The following AIG1 variants were observed in gnomAD, a reference collection of about 807,000 sequenced individuals.
AIG1 encodes androgen-induced gene 1 protein.
AIG1 carries 23 observed loss-of-function variants against 31.4 expected under a neutral mutation model. The ratio of observed to expected loss-of-function variants is 0.73; its 90% CI spans 0.53 to 1.04. The LOEUF (loss-of-function observed/expected upper bound fraction) is 1.04, where lower values mean the gene tolerates loss of function less well. AIG1 is among the 50% of genes least tolerant of loss of function. The pLI is 0.00. For synonymous variants in AIG1, 100 were observed against 110.5 expected, an observed-to-expected ratio of 0.90 and a Z score of 0.60; for missense variants, 274 against 295.0, an observed-to-expected ratio of 0.93 and a Z score of 0.52.
intron 4 of AIG1, among the ~76,000 whole-genome samples, chr6:143,312,403 C>T (rs1477814438): frequency 6.6e-6 from 1 of 151,900 alleles, no homozygotes; most frequent in African/African-American, 2.4e-5. Flanking sequence ...GAAACAAATC[C>T]AAAGAACTGC....
At chr6:143,192,362 T>C (rs1253898937) in intron 3 of AIG1, among the ~76,000 whole-genome samples, 1 of 152,190 alleles carries the variant, frequency 6.6e-6, no homozygotes. Flanking sequence ...CCCAGCACTT[T>C]GGGAGGCCAA....
intron 3 of AIG1, among the ~76,000 whole-genome samples, chr6:143,218,288 G>A (rs912076382): frequency 6.6e-6 from 1 of 152,126 alleles, no homozygotes; most frequent in African/African-American, 2.4e-5. Context: ...CCAACGTTGT[G>A]AAAATGCTTG....
At chr6:143,200,256 A>G (rs1790590859) in intron 3 of AIG1, among the ~76,000 whole-genome samples, 1 of 152,180 alleles carries the variant, frequency 6.6e-6, no homozygotes. Context: ...TGAGTTTACT[A>G]CTGAAGAGAA....
In AIG1 at chr6:143,328,683, T is replaced by G. The variant is rs779150911; in HGVS notation, c.516-4599T>G. 3.3e-5 allele frequency among the ~76,000 whole-genome samples: 5 copies of G among 152,358 alleles called. No individual in the cohort carries two copies. Among genetic ancestry groups the G allele is most frequent in the Non-Finnish European group, 5.9e-5 (4 of 68,042 alleles). ...ATTCATTCATATAAGCCATTTACTT[T>G]GTATCATTTGTGAGTAACAAAGCAC... On this transcript the variant is annotated intron_variant, in intron 4 of 5. Transcript: ENST00000357847. This position sits in a 1 kb window ranked among gnomAD's most constrained non-coding sequence, Gnocchi z 4.0.
intron 3 of AIG1, among the ~76,000 whole-genome samples, chr6:143,195,316 G>C (rs1319371131): frequency 6.6e-6 from 1 of 152,150 alleles, no homozygotes; most frequent in Admixed American, 6.5e-5. Flanking sequence ...TCAGATCCTG[G>C]AGACTCCTCC....
intron 4 of AIG1, among the ~76,000 whole-genome samples, chr6:143,319,118 C>A (rs1304870342): frequency 6.6e-6 from 1 of 152,152 alleles, no homozygotes; most frequent in South Asian, 2.1e-4. Context: ...AGCAGTCCCA[C>A]TACTGGGTAT....
chr6:143,273,660 C>T (rs887765205), intron 3 of AIG1, among the ~76,000 whole-genome samples: 31 of 152,058 alleles, frequency 2.0e-4, no homozygotes, highest in Admixed American at 1.5e-3. Context: ...TGGTGGAAGG[C>T]GAAAGGCATG....
intron 1 of AIG1, among the ~76,000 whole-genome samples, chr6:143,129,921 T>C (rs186841846): frequency 3.4e-4 from 52 of 152,054 alleles, no homozygotes; most frequent in African/African-American, 1.1e-3. Flanking sequence ...ATATTCCTTA[T>C]GTAAATAGAC....
At chr6:143,193,433 A>T (rs1789963365) in intron 3 of AIG1, among the ~76,000 whole-genome samples, 3 of 152,232 alleles carry the variant, frequency 2.0e-5, no homozygotes, top group Admixed American at 2.0e-4. Flanking sequence ...TTTGAGAAGT[A>T]GTGAGAATAT....
intron 3 of AIG1, among the ~76,000 whole-genome samples, chr6:143,214,681 ACTGT>A (rs1303684492): frequency 1.3e-5 from 2 of 152,046 alleles, no homozygotes; most frequent in East Asian, 3.9e-4. Flanking sequence ...CCTACTCATC[ACTGT>A]CTGGATGAAA....
At chr6:143,196,355 A>ACGCACACG (rs199604811) in intron 3 of AIG1, among the ~76,000 whole-genome samples, 3 of 38,924 alleles carry the variant, frequency 7.7e-5, no homozygotes, top group African/African-American at 1.9e-4. Context: ...AAAGCAACAC[A>ACGCACACG]CACACACACA....
chr6:143,187,969 T>C lies in AIG1; in HGVS notation c.399+22786T>C, dbSNP rs1028906635. 4.2e-6 allele frequency: 5 copies of C among 1,191,644 alleles called. No individual in the cohort carries two copies. The African/African-American group carries it at 7.8e-5, about 19-fold the overall frequency. The allele number at this position is 1,191,644 out of a possible 1,614,324, so 73.8% of individuals were successfully genotyped here. ...TGCTCTTGATTTTATTAGTTGCATT[T>C]TGTAACAGGTTGGAAAAATTAGGTA... On this transcript the variant is annotated intron_variant, in intron 3 of 5. Coordinates refer to ENST00000357847, the MANE Select transcript of AIG1 (RefSeq NM_016108.4).
At chr6:143,342,147 C>T (rs112767155), downstream of AIG1, 369 of 526,118 alleles carry the variant, frequency 7.0e-4, 1 homozygote, top group African/African-American at 6.4e-3. Context: ...TGGTCTCAAA[C>T]TCCCGACCTT....
intron 1 of AIG1, among the ~76,000 whole-genome samples, chr6:143,116,673 C>A (rs762808575): frequency 6.9e-6 from 1 of 145,418 alleles, no homozygotes; most frequent in African/African-American, 2.6e-5. Flanking sequence ...CAGAAGAGAC[C>A]CAGAGCCAGC....
intron 2 of AIG1, among the ~76,000 whole-genome samples, chr6:143,148,222 T>C (rs1784866137): frequency 1.3e-5 from 2 of 150,494 alleles, no homozygotes; most frequent in East Asian, 2.0e-4. Context: ...TATTATGGAC[T>C]GGACATGGCG....
At position 143,266,346 on chromosome 6, in the gene AIG1, C is replaced by CAAAAA. The variant is rs398002969; in HGVS notation, c.400-17749_400-17745dup. On this transcript the variant is annotated intron_variant, in intron 3 of 5. Transcript: ENST00000357847. ...TGGACAATAGAGTAAGAGTCCGTCT[C>CAAAAA]AAAAAAAAAAAAAAAAAAAGAATAA... Among the ~76,000 whole-genome samples, 19 of 93,116 alleles carry CAAAAA rather than the reference C, an allele frequency of 2.0e-4. 1 individual carries two copies. The highest frequency in any genetic ancestry group is 4.8e-4 in the African/African-American group (12 of 24,832). 61.1% of individuals were successfully genotyped at this position (93,116 alleles called of 152,430 possible).
intron 3 of AIG1, among the ~76,000 whole-genome samples, chr6:143,192,826 C>T (rs959335893): frequency 2.0e-5 from 3 of 152,224 alleles, no homozygotes; most frequent in Admixed American, 2.0e-4. Context: ...TATGAACATT[C>T]AAGTCCAAAC....
In AIG1 at chr6:143,333,107, A is replaced by G. The variant is rs1452875867; in HGVS notation, c.516-175A>G. Among the ~76,000 whole-genome samples the G allele has an allele frequency of 6.6e-6, 1 of 152,244 alleles. No homozygotes were observed. Among genetic ancestry groups the G allele is most frequent in the African/African-American group, 2.4e-5 (1 of 41,468 alleles). On this transcript the variant is annotated intron_variant, in intron 4 of 5. Coordinates refer to ENST00000357847, the MANE Select transcript of AIG1 (RefSeq NM_016108.4). This position sits in a 1 kb window ranked among gnomAD's most constrained non-coding sequence, Gnocchi z 4.6. ...AAAATTATTTCAGAATAAAAAGTAA[A>G]TGAAAATAAACAGCAACCAAGTTTC...
intron 1 of AIG1, among the ~76,000 whole-genome samples, chr6:143,097,638 T>C (rs1467145048): frequency 1.3e-5 from 2 of 152,168 alleles, no homozygotes; most frequent in Non-Finnish European, 2.9e-5. Context: ...TCACAGTGCC[T>C]CTTTCACCTG....
Sources: gnomAD v4.1 joint callset for allele counts (sites outside exome capture counted in the v4.1 genomes callset) on GRCh38, gnomAD v4.1.1 for gene constraint, Gnocchi (gnomAD v3.1) non-coding constraint, MANE v1.5 for transcripts, NCBI Gene and HGNC (gene_info 2026-07-23, HGNC 2026-07-21) for gene names.